LINGO2: variants seen among roughly 807,000 people sequenced by gnomAD.
LINGO2 encodes the protein leucine rich repeat and Ig domain containing 2.
LINGO2 carries 14 observed loss-of-function variants against 30.6 expected under a neutral mutation model. The ratio of observed to expected loss-of-function variants is 0.46; its 90% CI spans 0.30 to 0.72. The LOEUF (loss-of-function observed/expected upper bound fraction) is 0.72. LINGO2 is among the 30% of genes least tolerant of loss of function. The pLI is 0.07. For synonymous variants in LINGO2, 317 were observed against 288.5 expected, an observed-to-expected ratio of 1.10 and a Z score of -1.00; for missense variants, 729 against 751.7, an observed-to-expected ratio of 0.97 and a Z score of 0.35.
intron 3 of LINGO2, among the ~76,000 whole-genome samples, chr9:28,306,104 C>T (rs910205970): frequency 3.3e-5 from 5 of 152,178 alleles, no homozygotes; most frequent in East Asian, 1.9e-4. Flanking sequence ...TGTCCTGACA[C>T]GTTCAATGTA....
chr9:28,310,382 T>G (rs1337986490), intron 3 of LINGO2, among the ~76,000 whole-genome samples: 1 of 152,156 alleles, frequency 6.6e-6, no homozygotes, highest in Non-Finnish European at 1.5e-5. Context: ...TAATGGTGCA[T>G]GCAATACATC....
chr9:28,552,311 C>T (rs1822331924), intron 1 of LINGO2, among the ~76,000 whole-genome samples: 1 of 151,924 alleles, frequency 6.6e-6, no homozygotes, highest in African/African-American at 2.4e-5. Flanking sequence ...GGTTTACCAG[C>T]TAAAACATCT....
At chr9:28,303,192 T>C (rs539969590) in intron 3 of LINGO2, among the ~76,000 whole-genome samples, 2 of 152,326 alleles carry the variant, frequency 1.3e-5, no homozygotes, top group South Asian at 4.1e-4. Context: ...ACAGCTTGTG[T>C]ATATATGTGT....
intron 2 of LINGO2, among the ~76,000 whole-genome samples, chr9:28,389,843 A>G (rs1288725675): frequency 1.3e-5 from 2 of 152,188 alleles, no homozygotes; most frequent in African/African-American, 2.4e-5. Flanking sequence ...TGGAGGACAC[A>G]ATAAATTTCT....
intron 4 of LINGO2, among the ~76,000 whole-genome samples, chr9:28,020,442 T>A (rs1823055529): frequency 6.6e-6 from 1 of 152,104 alleles, no homozygotes; most frequent in Non-Finnish European, 1.5e-5. Context: ...GACATGCGAA[T>A]CACTTTAACC....
At chr9:28,328,445 T>A (rs758742268) in intron 3 of LINGO2, among the ~76,000 whole-genome samples, 1 of 152,122 alleles carries the variant, frequency 6.6e-6, no homozygotes, top group Non-Finnish European at 1.5e-5. Flanking sequence ...ACATATGCCT[T>A]CAGCATCCTT....
chr9:28,782,726 C>G, the LINGO2 span, among the ~76,000 whole-genome samples: 376 of 152,280 alleles, frequency 2.5e-3, 2 homozygotes, highest in African/African-American at 8.5e-3. Context: ...TGGGAATTAA[C>G]TTAGAGTAGT....
chr9:28,940,174 A>G, the LINGO2 span, among the ~76,000 whole-genome samples: 193 of 152,260 alleles, frequency 1.3e-3, no homozygotes, highest in Middle Eastern at 3.4e-3. Context: ...GCTGTTCACC[A>G]AGCCGATGTC....
the LINGO2 span, among the ~76,000 whole-genome samples, chr9:29,101,231 A>T: frequency 6.6e-6 from 1 of 152,138 alleles, no homozygotes; most frequent in Admixed American, 6.5e-5. Flanking sequence ...CCGTTAGTGG[A>T]ATTAATCAAA....
chr9:28,179,211 T>C (rs1247518799), intron 4 of LINGO2, among the ~76,000 whole-genome samples: 1 of 148,958 alleles, frequency 6.7e-6, no homozygotes, highest in Non-Finnish European at 1.5e-5. Context: ...GCTGATCTAA[T>C]GTGTGTGGAA....
chr9:28,389,168 G>A (rs1468727665), intron 2 of LINGO2, among the ~76,000 whole-genome samples: 1 of 152,118 alleles, frequency 6.6e-6, no homozygotes, highest in African/African-American at 2.4e-5. Flanking sequence ...TTAGGAGATT[G>A]TTATCTAAAG....
intron 1 of LINGO2, among the ~76,000 whole-genome samples, chr9:28,482,565 T>C (rs1051081026): frequency 3.3e-5 from 5 of 152,132 alleles, no homozygotes; most frequent in Non-Finnish European, 7.4e-5. Context: ...TTTCTCCCAT[T>C]TTGCAGGTTG....
At chr9:28,396,501 A>C (rs1006809471) in intron 2 of LINGO2, among the ~76,000 whole-genome samples, 7 of 151,936 alleles carry the variant, frequency 4.6e-5, no homozygotes, top group African/African-American at 1.7e-4. Flanking sequence ...TCAGGAGATC[A>C]AGACCATCCA....
At position 28,050,440 on chromosome 9, in the gene LINGO2, T is replaced by C. The variant is rs73443910; in HGVS notation, c.-86-38035A>G. Among the ~76,000 whole-genome samples the C allele has an allele frequency of 1.1e-3, 172 of 150,862 alleles. 10 individuals carry two copies. The highest frequency in any genetic ancestry group is 4.1e-3 in the African/African-American group (169 of 40,866). ...GTAAGGGATATTCTGCAAGACAATCTAAAAACTCTTCAAAAGCTATTAATG... is the reference window on the plus strand; with the variant it reads ...GTAAGGGATATTCTGCAAGACAATCCAAAAACTCTTCAAAAGCTATTAATG... On this transcript the variant is annotated intron_variant, in intron 4 of 5. Transcript: ENST00000379992.
At chr9:28,032,048 GGA>G (rs1823705079) in intron 4 of LINGO2, among the ~76,000 whole-genome samples, 1 of 150,754 alleles carries the variant, frequency 6.6e-6, no homozygotes, top group South Asian at 2.1e-4. Context: ...GGGTGGGGGG[GGA>G]AAGCCTCACT....
chr9:28,047,345 A>C (rs1168287710), intron 4 of LINGO2, among the ~76,000 whole-genome samples: 1 of 151,652 alleles, frequency 6.6e-6, no homozygotes, highest in Admixed American at 6.6e-5. Flanking sequence ...ATGTCACTTC[A>C]TTGGGTCATA....
At chr9:28,293,324 C>T (rs1823805965) in intron 4 of LINGO2, among the ~76,000 whole-genome samples, 1 of 152,054 alleles carries the variant, frequency 6.6e-6, no homozygotes, top group African/African-American at 2.4e-5. Context: ...TCTCAAACTC[C>T]TTGTCTCAAG....
chr9:29,198,444 T>G, the LINGO2 span, among the ~76,000 whole-genome samples: 2 of 152,126 alleles, frequency 1.3e-5, no homozygotes, highest in East Asian at 3.9e-4. Context: ...CAAGTATCAC[T>G]TCACCTCAAA....
chr9:28,330,655 A>G (rs1825386102), intron 3 of LINGO2, among the ~76,000 whole-genome samples: 1 of 152,172 alleles, frequency 6.6e-6, no homozygotes, highest in African/African-American at 2.4e-5. Context: ...GTGATCTGTT[A>G]TTGTGAATTA....
Sources: gnomAD v4.1 joint callset for allele counts (sites outside exome capture counted in the v4.1 genomes callset) on GRCh38, gnomAD v4.1.1 for gene constraint, MANE v1.5 for transcripts, NCBI Gene and HGNC (gene_info 2026-07-23, HGNC 2026-07-21) for gene names.